Variants in FRMPD3 observed in about 807,000 individuals in gnomAD.
The protein encoded by FRMPD3 is FERM and PDZ domain-containing protein 3.
FRMPD3 carries 42 observed loss-of-function variants against 97.9 expected under a neutral mutation model. The observed-to-expected ratio is 0.43, with a 90% CI of 0.34 to 0.55. FRMPD3 has a LOEUF of 0.55. FRMPD3 is among the 20% of genes least tolerant of loss of function. FRMPD3 has a pLI of 0.03. For missense variants in FRMPD3, 1,303 were observed against 1,457.7 expected (o/e 0.89, Z 1.73); for synonymous variants, 577 against 581.1 (o/e 0.99, Z 0.10).
chrX:107,482,819 G>A (rs748886834), intron 1 of FRMPD3, among the ~76,000 whole-genome samples: 1 of 111,994 alleles, frequency 8.9e-6, no homozygotes, highest in African/African-American at 3.2e-5. Context: ...AAGAGAGGTT[G>A]AAGGATGCAA....
chrX:107,451,122 G>A (rs138005174), intron 1 of FRMPD3, among the ~76,000 whole-genome samples: 31 of 112,020 alleles, frequency 2.8e-4, no homozygotes, highest in African/African-American at 1.0e-3. Context: ...CAACTAAAGA[G>A]CCCCAGATGA....
At chrX:107,460,397 A>AT (rs111515532) in intron 1 of FRMPD3, among the ~76,000 whole-genome samples, 1,912 of 102,099 alleles carry the variant, frequency 0.019, 60 homozygotes, top group African/African-American at 0.061. Flanking sequence ...TACCCAGAGG[A>AT]TTTTTTTTTT....
intron 1 of FRMPD3, among the ~76,000 whole-genome samples, chrX:107,472,654 C>T (rs1218156722): frequency 1.8e-5 from 2 of 111,842 alleles, no homozygotes; most frequent in Non-Finnish European, 3.8e-5. Flanking sequence ...TGCATGGGCT[C>T]CCTTGGGCCT....
chrX:107,481,000 T>A (rs1569410777), intron 1 of FRMPD3, among the ~76,000 whole-genome samples: 1 of 111,072 alleles, frequency 9.0e-6, no homozygotes, highest in Non-Finnish European at 1.9e-5. Context: ...TCATTTAGAT[T>A]AGCTTTGTGC....
intron 13 of FRMPD3, 50 bp downstream of exon 13, chrX:107,576,509 C>T (rs778660066): frequency 2.6e-6 from 3 of 1,170,206 alleles, no homozygotes; most frequent in Non-Finnish European, 3.5e-6. Flanking sequence ...CCCTTTGGAC[C>T]CTGAAGACAT....
At position 107,550,143 on chromosome X, in the gene FRMPD3, G is replaced by A. The variant is rs749825464; in HGVS notation, c.497G>A (p.Arg166Gln). ...GQIKSFTFDG[R>Q]TTVKDVMLTL... ...ATCAAGTCATTCACATTTGATGGTCGGACCACTGTTAAGGTACATACAGTC... is the reference window on the plus strand; with the variant it reads ...ATCAAGTCATTCACATTTGATGGTCAGACCACTGTTAAGGTACATACAGTC... The change falls in exon 6 of 15, where the codon CGG becomes CAG. Residue 166 changes from arginine to glutamine, a missense_variant. By Grantham distance (43) the Arg-to-Gln change is conservative. Coordinates refer to ENST00000683843, the MANE Select transcript of FRMPD3 (RefSeq NM_001388459.1). 3.4e-6 allele frequency: 4 copies of A among 1,185,198 alleles called. No homozygotes were observed. Among genetic ancestry groups the A allele is most frequent in the Non-Finnish European group, 2.3e-6 (2 of 873,631 alleles).
At position 107,597,417 on chromosome X, in the gene FRMPD3, C is replaced by T. The variant is rs191464475; in HGVS notation, c.1538C>T (p.Ser513Leu). The T allele has an allele frequency of 1.8e-4, 220 of 1,208,939 alleles. No individual in the cohort carries two copies. Among genetic ancestry groups the T allele is most frequent in the Non-Finnish European group, 2.3e-4 (210 of 894,908 alleles). ...AGCGTGGGCACCAGCCCCAGGAAAT[C>T]GAGCCGCTGCACGCCCCCACCTGCC... ...VGSVGTSPRK[S>L]SRCTPPPADS... Residue 513 changes from serine (S) to leucine (L), a missense_variant, in exon 14 of 15, where the codon TCG becomes TTG. Physicochemically the swap from Ser to Leu is moderately radical, Grantham distance 145. Around this residue, in one of 3 missense-constraint regions of FRMPD3, gnomAD observed 535 missense variants for 618.6 expected, o/e 0.86. Coordinates refer to ENST00000683843, the MANE Select transcript of FRMPD3 (RefSeq NM_001388459.1).
chrX:107,483,797 G>T (rs1022445281), intron 1 of FRMPD3, among the ~76,000 whole-genome samples: 7 of 111,621 alleles, frequency 6.3e-5, no homozygotes, highest in African/African-American at 2.0e-4. Flanking sequence ...GCCTAATGCG[G>T]GCGTGGGGTA....
intron 1 of FRMPD3, among the ~76,000 whole-genome samples, chrX:107,510,729 T>A (rs778650399): frequency 8.9e-6 from 1 of 112,404 alleles, no homozygotes; most frequent in African/African-American, 3.2e-5. Flanking sequence ...AAAAGGTGTC[T>A]CATTGTCCTG....
At chrX:107,572,908 C>CTAATAATAATAA (rs374047113) in intron 12 of FRMPD3, among the ~76,000 whole-genome samples, 19 of 101,004 alleles carry the variant, frequency 1.9e-4, no homozygotes, top group African/African-American at 6.0e-4. Flanking sequence ...ACTACTACTA[C>CTAATAATAATAA]TAATAATAAT....
chrX:107,486,100 T>C (rs1420379583), intron 1 of FRMPD3, among the ~76,000 whole-genome samples: 1 of 112,287 alleles, frequency 8.9e-6, no homozygotes, highest in Non-Finnish European at 1.9e-5. Flanking sequence ...CATAAAATGC[T>C]GGAAAAGTAA....
At position 107,603,112 on chromosome X, in the gene FRMPD3, C is replaced by T. The variant is rs1175621847; in HGVS notation, c.5073C>T (p.Ala1691=). The change falls in exon 15 of 15, where the codon GCC becomes GCT. Residue 1691 remains alanine, a synonymous_variant. Transcript: ENST00000683843. The part of the protein sequence containing the change: ...RSEAQRQELL[A]KVEEVVRNYT... The stretch of plus-strand genomic sequence containing the variant: ...AGGCCCAGCGCCAAGAGCTGCTGGC[C>T]AAGGTAGAAGAGGTGGTGAGGAACT... The T allele has an allele frequency of 8.3e-7, 1 of 1,207,016 alleles. No homozygotes were observed. The highest frequency in any genetic ancestry group is 1.1e-6 in the Non-Finnish European group (1 of 894,543).
chrX:107,509,206 C>T (rs1922106186), intron 1 of FRMPD3, among the ~76,000 whole-genome samples: 1 of 112,563 alleles, frequency 8.9e-6, no homozygotes, highest in Admixed American at 9.3e-5. Flanking sequence ...ACTGTTGGCC[C>T]TGGCCCATTC....
chrX:107,506,522 T>A (rs1270283021), intron 1 of FRMPD3, among the ~76,000 whole-genome samples: 1 of 112,777 alleles, frequency 8.9e-6, no homozygotes, highest in South Asian at 3.7e-4. Flanking sequence ...TTCCGTACAA[T>A]GGAGAGGATG....
At chrX:107,501,579 C>T (rs1179501380) in intron 1 of FRMPD3, among the ~76,000 whole-genome samples, 1 of 97,179 alleles carries the variant, frequency 1.0e-5, no homozygotes, top group Non-Finnish European at 2.1e-5. Flanking sequence ...GTGCTCACCC[C>T]TGGCTGCACC....
chrX:107,481,255 C>T (rs942068705), intron 1 of FRMPD3, among the ~76,000 whole-genome samples: 1 of 112,361 alleles, frequency 8.9e-6, no homozygotes, highest in Non-Finnish European at 1.9e-5. Flanking sequence ...TCCAGATATT[C>T]TTGCCTGGAG....
At chrX:107,530,736 G>A (rs1398678201) in intron 3 of FRMPD3, among the ~76,000 whole-genome samples, 2 of 111,076 alleles carry the variant, frequency 1.8e-5, no homozygotes, top group East Asian at 5.6e-4. Flanking sequence ...GTGAACAGAC[G>A]CAAAGAACTC....
intron 1 of FRMPD3, among the ~76,000 whole-genome samples, chrX:107,474,493 A>G (rs1020559007): frequency 9.9e-5 from 11 of 111,529 alleles, no homozygotes; most frequent in Non-Finnish European, 1.7e-4. Context: ...TGGCTAAAAG[A>G]TAAAGAGGGC....
intron 1 of FRMPD3, among the ~76,000 whole-genome samples, chrX:107,455,466 AG>A (rs1312645335): frequency 9.0e-6 from 1 of 111,731 alleles, no homozygotes; most frequent in Non-Finnish European, 1.9e-5. Flanking sequence ...AGAGAGGCTG[AG>A]GCGGGAGGAT....
Sources: allele counts gnomAD v4.1 joint callset (sites outside exome capture counted in the v4.1 genomes callset), GRCh38; gene constraint gnomAD v4.1.1; regional missense constraint gnomAD v4.1.1; transcripts MANE v1.5; gene names NCBI Gene and HGNC (gene_info 2026-07-23, HGNC 2026-07-21).